The following C8orf88 variants were observed in gnomAD, a reference collection of about 807,000 sequenced individuals.
C8orf88 encodes chromosome 8 open reading frame 88, also known as uncharacterized protein C8orf88.
A neutral mutation model predicts 18.4 loss-of-function variants in C8orf88; 14 were observed. The observed-to-expected ratio is 0.76, with a 90% CI of 0.50 to 1.19. The LOEUF (loss-of-function observed/expected upper bound fraction) is 1.19. Among genes scored for constraint, C8orf88 ranks in the 50% most tolerant of loss-of-function variants. C8orf88 has a pLI of 0.00. For missense variants in C8orf88, 116 were observed against 134.7 expected (o/e 0.86, Z 0.69); for synonymous variants, 45 against 42.9 (o/e 1.05, Z -0.19).
intron 4 of C8orf88, 57 bp from the exon 5 acceptor site, chr8:90,960,905 T>C: frequency 2.0e-6 from 2 of 985,746 alleles, no homozygotes; most frequent in Non-Finnish European, 3.0e-6. Context: ...TCTAGATCAC[T>C]TTTTGGTTCA....
chr8:90,959,188 A>G, intron 5 of C8orf88, 158 bp from the exon 6 acceptor site: 1 of 410,400 alleles, frequency 2.4e-6, no homozygotes, highest in Non-Finnish European at 4.3e-6. Flanking sequence ...TCAAATAACA[A>G]AACGGCTCAT....
chr8:90,959,973 C>A (rs933309553), intron 5 of C8orf88, among the ~76,000 whole-genome samples: 5 of 151,310 alleles, frequency 3.3e-5, no homozygotes, highest in Non-Finnish European at 7.4e-5. Context: ...TTTATTAATC[C>A]TAACAGCCAG....
At chr8:90,981,495 T>A (rs1034302323) in intron 1 of C8orf88, among the ~76,000 whole-genome samples, 1 of 152,172 alleles carries the variant, frequency 6.6e-6, no homozygotes, top group Non-Finnish European at 1.5e-5. Flanking sequence ...TCTCAACAGG[T>A]AAGGTTAAAT....
At chr8:90,963,954 C>T (rs563444424) in intron 4 of C8orf88, among the ~76,000 whole-genome samples, 1 of 151,630 alleles carries the variant, frequency 6.6e-6, no homozygotes, top group East Asian at 1.9e-4. Flanking sequence ...AGAATCTATA[C>T]ATCTAAGAAG....
chr8:90,965,891 CAT>C (rs1811187743), intron 4 of C8orf88, among the ~76,000 whole-genome samples: 1 of 151,698 alleles, frequency 6.6e-6, no homozygotes, highest in Non-Finnish European at 1.5e-5. Context: ...GTGTTCAGAT[CAT>C]AGTTTATAGC....
At chr8:90,975,319 T>C (rs1451011651) in intron 3 of C8orf88, among the ~76,000 whole-genome samples, 6 of 152,074 alleles carry the variant, frequency 3.9e-5, no homozygotes, top group Non-Finnish European at 1.5e-5. Flanking sequence ...AATATTGACA[T>C]AAAGATAGAC....
At chr8:90,970,583 G>T (rs538276581) in intron 4 of C8orf88, among the ~76,000 whole-genome samples, 2 of 152,142 alleles carry the variant, frequency 1.3e-5, no homozygotes, top group East Asian at 3.9e-4. Context: ...GGCAAAGTAT[G>T]ACCAAGTTCT....
intron 3 of C8orf88, among the ~76,000 whole-genome samples, chr8:90,972,354 G>C (rs1015950033): frequency 6.6e-6 from 1 of 151,916 alleles, no homozygotes; most frequent in Admixed American, 6.6e-5. Context: ...CCTAAGATTT[G>C]GGTTCTCCAA....
intron 3 of C8orf88, among the ~76,000 whole-genome samples, chr8:90,975,931 T>TA (rs57561343): frequency 0.33 from 47,269 of 142,658 alleles, 11,867 homozygotes; most frequent in African/African-American, 0.72. Context: ...TATTCCACAT[T>TA]AAAAAAAAAA....
At chr8:90,974,873 G>T (rs1364581922) in intron 3 of C8orf88, among the ~76,000 whole-genome samples, 1 of 151,986 alleles carries the variant, frequency 6.6e-6, no homozygotes, top group Non-Finnish European at 1.5e-5. Context: ...TGTAAGGGTG[G>T]TCTCTACAAA....
intron 1 of C8orf88, among the ~76,000 whole-genome samples, chr8:90,981,702 T>G (rs1189773524): frequency 6.6e-6 from 1 of 152,152 alleles, no homozygotes; most frequent in Non-Finnish European, 1.5e-5. Context: ...CCTTATTTAT[T>G]TTTGTATTCT....
intron 4 of C8orf88, among the ~76,000 whole-genome samples, chr8:90,963,478 T>C (rs146170760): frequency 5.5e-4 from 83 of 151,650 alleles, no homozygotes; most frequent in African/African-American, 1.8e-3. Flanking sequence ...AAAAAAGAAA[T>C]AGAAATTTTC....
chr8:90,971,128 C>T lies in C8orf88; in HGVS notation c.161G>A (p.Gly54Glu). The T allele has an allele frequency of 6.6e-7, 1 of 1,520,104 alleles. No homozygotes were observed. The highest frequency in any genetic ancestry group is 1.2e-5 in the South Asian group (1 of 81,406). The allele number at this position is 1,520,104 out of a possible 1,614,324, so 94.2% of individuals were successfully genotyped here. A position where few individuals can be genotyped will look rare whatever the true frequency, so the allele number is the denominator to read the frequency against. The part of the protein sequence containing the change: ...QSGVSRCKTN[G>E]MQAFSQGLNE... ...AAGACCTTGAGAAAAGGCTTGCATT[C>T]CATTCGTCTTACACTGTTAAACATG... The change falls in exon 4 of 6, where the codon GGA becomes GAA. Residue 54 changes from glycine to glutamate, a missense_variant. Gly to Glu is a moderately conservative substitution (Grantham distance 98). Coordinates refer to ENST00000517562, the MANE Select transcript of C8orf88 (RefSeq NM_001190972.2).
At chr8:90,977,844 G>A (rs943786722) in intron 3 of C8orf88, among the ~76,000 whole-genome samples, 1 of 152,168 alleles carries the variant, frequency 6.6e-6, no homozygotes, top group Non-Finnish European at 1.5e-5. Flanking sequence ...CTACTCGGGA[G>A]GCTGAAGCAG....
intron 2 of C8orf88, among the ~76,000 whole-genome samples, chr8:90,979,415 TATAC>T (rs1284701449): frequency 6.6e-6 from 1 of 152,188 alleles, no homozygotes; most frequent in Non-Finnish European, 1.5e-5. Flanking sequence ...GCACCAGAAG[TATAC>T]AGAATCAGCA....
chr8:90,968,827 T>TA (rs1811243034), intron 4 of C8orf88, among the ~76,000 whole-genome samples: 1 of 150,478 alleles, frequency 6.6e-6, no homozygotes, highest in African/African-American at 2.4e-5. Context: ...ACAACTTGAA[T>TA]AAAGCATTTA....
At chr8:90,970,558 T>G (rs1811268338) in intron 4 of C8orf88, among the ~76,000 whole-genome samples, 1 of 152,078 alleles carries the variant, frequency 6.6e-6, no homozygotes, top group Admixed American at 6.6e-5. Context: ...TGTTTCCCAG[T>G]CTACCCTGCC....
intron 3 of C8orf88, among the ~76,000 whole-genome samples, chr8:90,973,335 T>C (rs940238259): frequency 6.6e-6 from 1 of 152,126 alleles, no homozygotes; most frequent in Admixed American, 6.6e-5. Flanking sequence ...CTGAAGAGCA[T>C]GGGAAAATAT....
rs373508239 is a variant in C8orf88 at position 90,967,244 on chromosome 8, C to G, written c.223+3822G>C. On this transcript the variant is annotated intron_variant, in intron 4 of 5. Transcript: ENST00000517562. ...TACTGATTTTGATATGTTGACTCAC[C>G]CTTGCATTCTTGAGATTAATCCCAC... Among the ~76,000 whole-genome samples the G allele has an allele frequency of 2.0e-5, 3 of 151,726 alleles. No homozygotes were observed. In the East Asian group the frequency reaches 5.8e-4, roughly 29 times the overall value.
Sources: allele counts gnomAD v4.1 joint callset (sites outside exome capture counted in the v4.1 genomes callset), GRCh38; gene constraint gnomAD v4.1.1; transcripts MANE v1.5; gene names NCBI Gene and HGNC (gene_info 2026-07-23, HGNC 2026-07-21).